The following TWF1 variants were observed in gnomAD, a reference collection of about 807,000 sequenced individuals.
TWF1 encodes the protein twinfilin actin binding protein 1, also known as twinfilin-1.
In TWF1, 14 loss-of-function variants were observed where a neutral mutation model predicts 47.9. The observed-to-expected ratio is 0.29, with a 90% CI of 0.19 to 0.46. The LOEUF (loss-of-function observed/expected upper bound fraction) is 0.46, where lower values mean the gene tolerates loss of function less well. Among genes scored for constraint, TWF1 ranks in the 20% least tolerant of loss-of-function variants. TWF1 has a pLI of 1.00. For synonymous variants in TWF1, 96 were observed against 139.2 expected (o/e 0.69, Z 2.18); for missense variants, 281 against 409.3 (o/e 0.69, Z 2.70).
rs1456104276 is a variant in TWF1 at position 43,797,767 on chromosome 12, G to C, written c.550C>G (p.Arg184Gly). ...TLQGVAFPIS[R>G]EAFQALEKLN... ...TTTTCCAAAGCCTGAAAGGCTTCTC[G>C]AGAAATGGGAAATGCTACTCCTTGT... The change falls in exon 6 of 9, where the codon CGA becomes GGA. Residue 184 changes from arginine to glycine, a missense_variant. By Grantham distance (125) the Arg-to-Gly change is moderately radical. Coordinates refer to ENST00000395510, the MANE Select transcript of TWF1 (RefSeq NM_002822.5). 3.1e-6 allele frequency: 5 copies of C among 1,613,396 alleles called. No individual in the cohort carries two copies. The highest frequency in any genetic ancestry group is 3.4e-6 in the Non-Finnish European group (4 of 1,179,532).
intron 2 of TWF1, among the ~76,000 whole-genome samples, chr12:43,803,290 G>A (rs1240153973): frequency 6.6e-6 from 1 of 152,136 alleles, no homozygotes; most frequent in Admixed American, 6.5e-5. Flanking sequence ...AGGGATACAT[G>A]TAAAAACAGA....
At chr12:43,806,124 C>A in intron 1 of TWF1, 97 bp downstream of exon 1, 1 of 1,526,624 alleles carries the variant, frequency 6.6e-7, no homozygotes, top group South Asian at 1.2e-5. Context: ...TTCCGGAGCT[C>A]CCGGCCCGAC....
In TWF1 at chr12:43,806,059, C is replaced by T. The variant is rs549450813; in HGVS notation, c.25+162G>A. On this transcript the variant is annotated intron_variant, in intron 1 of 8. Coordinates refer to ENST00000395510, the MANE Select transcript of TWF1 (RefSeq NM_002822.5). ...GAGGAGGACGCAGGCCGGCAGCGCC[C>T]GGGAAGCAGGAGCGCGGAGAGGCGC... 17 of 1,518,680 alleles carry T rather than the reference C, an allele frequency of 1.1e-5. No individual in the cohort carries two copies. The East Asian group carries it at 2.0e-4, about 18-fold the overall frequency. The allele number at this position is 1,518,680 out of a possible 1,614,324, so 94.1% of individuals were successfully genotyped here. A position where few individuals can be genotyped will look rare whatever the true frequency, so the allele number is the denominator to read the frequency against.
intron 4 of TWF1, among the ~76,000 whole-genome samples, 195 bp from the exon 5 acceptor site, chr12:43,799,697 G>A (rs1942623573): frequency 6.6e-6 from 1 of 151,876 alleles, no homozygotes; most frequent in Non-Finnish European, 1.5e-5. Flanking sequence ...AGTACCCACT[G>A]TTCATTTTAT....
rs756874040 is a variant in TWF1, at chr12:43,797,048, C to T, written c.810G>A (p.Met270Ile). ...GACGGCTCTTGCAGCTAGAATACAGCATCCGCTCTCTTATACTGCATGTGT... is the reference window on the plus strand; with the variant it reads ...GACGGCTCTTGCAGCTAGAATACAGTATCCGCTCTCTTATACTGCATGTGT... ...PGYTCSIRER[M>I]LYSSCKSRLL... Residue 270 changes from methionine to isoleucine, a missense_variant, in exon 8 of 9, where the codon ATG becomes ATA. By Grantham distance (10) the Met-to-Ile change is conservative (BLOSUM62 1). Transcript: ENST00000395510. 1.9e-6 allele frequency: 3 copies of T among 1,611,108 alleles called. No homozygotes were observed. The highest frequency in any genetic ancestry group is 3.3e-5 in the Admixed American group (2 of 59,936).
intron 1 of TWF1, 74 bp downstream of exon 1, chr12:43,806,147 G>A (rs1180511899): frequency 3.3e-6 from 5 of 1,531,664 alleles, no homozygotes; most frequent in Middle Eastern, 2.1e-4. Flanking sequence ...CAGCCCTGCC[G>A]GTCCTGCAGC....
At chr12:43,801,148 AATGAAGT>A (rs1272778456) in intron 3 of TWF1, among the ~76,000 whole-genome samples, 2 of 152,234 alleles carry the variant, frequency 1.3e-5, no homozygotes, top group Non-Finnish European at 2.9e-5. Context: ...GGAAAACTGA[AATGAAGT>A]AACTTTGATA....
rs548620716 is a variant in TWF1, at chr12:43,805,874, C to G, written c.25+347G>C. ...CTGAAGCCCCAGTCGCCTCCACTGTCCCAGCTCTTCCCTACGTGACCAAAA... is the reference window on the plus strand; with the variant it reads ...CTGAAGCCCCAGTCGCCTCCACTGTGCCAGCTCTTCCCTACGTGACCAAAA... On this transcript the variant is annotated intron_variant, in intron 1 of 8. Coordinates refer to ENST00000395510, the MANE Select transcript of TWF1 (RefSeq NM_002822.5). 6.9e-6 allele frequency: 10 copies of G among 1,440,340 alleles called. No individual in the cohort carries two copies. The South Asian group carries it at 1.1e-4, about 16-fold the overall frequency. The allele number at this position is 1,440,340 out of a possible 1,614,324, so 89.2% of individuals were successfully genotyped here. A position where few individuals can be genotyped will look rare whatever the true frequency, so the allele number is the denominator to read the frequency against.
chr12:43,794,872 A>G lies in TWF1; in HGVS notation c.*713T>C, dbSNP rs1437432474. 1 of 152,138 alleles carries G rather than the reference A, an allele frequency of 6.6e-6. No homozygotes were observed. Among genetic ancestry groups the G allele is most frequent in the Non-Finnish European group, 1.5e-5 (1 of 68,022 alleles). The allele number at this position is 152,138 out of a possible 1,614,324, so 9.4% of individuals were successfully genotyped here. A position where few individuals can be genotyped will look rare whatever the true frequency, so the allele number is the denominator to read the frequency against. On this transcript the variant is annotated 3_prime_UTR_variant, in exon 9 of 9. Transcript: ENST00000395510. The stretch of plus-strand genomic sequence containing the variant: ...TTGAATGATATTAATTTAAATTTCA[A>G]TCTGAACATAAATGTTTGGCCTCAC...
chr12:43,799,531 T>A (rs1942620912), intron 4 of TWF1, 29 bp from the exon 5 acceptor site: 2 of 1,305,270 alleles, frequency 1.5e-6, no homozygotes, highest in Non-Finnish European at 2.1e-6. Context: ...CTATAATCAG[T>A]AATTCTCTAG....
intron 4 of TWF1, 152 bp downstream of exon 4, chr12:43,800,283 A>C (rs1409083599): frequency 1.8e-6 from 1 of 560,408 alleles, no homozygotes; most frequent in Non-Finnish European, 3.1e-6. Context: ...TATTCATTAC[A>C]GCTAACTTTA....
chr12:43,796,839 A>T, intron 8 of TWF1, 137 bp downstream of exon 8: 1 of 892,818 alleles, frequency 1.1e-6, no homozygotes, highest in Non-Finnish European at 1.7e-6. Context: ...CCAGGCACTT[A>T]GAGGAGATCC....
chr12:43,795,617 C>A lies in TWF1; in HGVS notation c.1021G>T (p.Gly341Cys), dbSNP rs759774399. ...GKRGIRRLIR[G>C]PAETEATTD ...GTAGTAGCTTCAGTTTCCGCTGGGC[C>A]CCTAATTAGTCTTCGAATTCCTCTT... The change falls in exon 9 of 9, where the codon GGC becomes TGC. Residue 341 changes from glycine to cysteine, a missense_variant. By Grantham distance (159) the Gly-to-Cys change is radical. Coordinates refer to ENST00000395510, the MANE Select transcript of TWF1 (RefSeq NM_002822.5). The A allele has an allele frequency of 6.2e-7, 1 of 1,612,160 alleles. No individual in the cohort carries two copies. The highest frequency in any genetic ancestry group is 1.7e-5 in the Admixed American group (1 of 60,004).
At position 43,797,293 on chromosome 12, in the gene TWF1, A is replaced by G. The variant is rs1942570484; in HGVS notation, c.760+9T>C. The G allele has an allele frequency of 6.3e-7, 1 of 1,582,286 alleles. No individual in the cohort carries two copies. The highest frequency in any genetic ancestry group is 1.4e-5 in the African/African-American group (1 of 73,382). On this transcript the variant is annotated intron_variant, in intron 7 of 8. Coordinates refer to ENST00000395510, the MANE Select transcript of TWF1 (RefSeq NM_002822.5). ...GAAAGTAATGTGTTAAAAACAATGT[A>G]TCATATACCTATGGACTCTAAATAG...
chr12:43,801,226 C>A (rs1245027574), intron 3 of TWF1, among the ~76,000 whole-genome samples: 2 of 152,058 alleles, frequency 1.3e-5, no homozygotes, highest in African/African-American at 4.8e-5. Flanking sequence ...AATCAAAATT[C>A]ACGGCTTACC....
Position 43,800,359 on chromosome 12 carries a change from C to T in TWF1, c.378+76G>A, listed in dbSNP as rs139607805. On this transcript the variant is annotated intron_variant, in intron 4 of 8. Transcript: ENST00000395510. The stretch of plus-strand genomic sequence containing the variant: ...TCAGATTATCCATCTGAATTCGTAT[C>T]AATTACCCATTACCTAGGAGTTCCT... 3.0e-6 allele frequency: 3 copies of T among 1,000,886 alleles called. No homozygotes were observed. The African/African-American group carries it at 4.9e-5, about 16-fold the overall frequency. 62.0% of individuals were successfully genotyped at this position (1,000,886 alleles called of 1,614,324 possible). A position where few individuals can be genotyped will look rare whatever the true frequency, so the allele number is the denominator to read the frequency against.
intron 1 of TWF1, 57 bp downstream of exon 1, chr12:43,806,164 G>A (rs956952740): frequency 6.5e-7 from 1 of 1,535,234 alleles, no homozygotes; most frequent in Admixed American, 2.0e-5. Flanking sequence ...CAGCCCTCCC[G>A]GCTCTCCCGG....
intron 3 of TWF1, among the ~76,000 whole-genome samples, chr12:43,801,173 T>C (rs1942654457): frequency 6.6e-6 from 1 of 152,186 alleles, no homozygotes; most frequent in Non-Finnish European, 1.5e-5. Flanking sequence ...ATAGTGACAT[T>C]CTTCTCAAAG....
At chr12:43,797,275 ATG>A (rs776032461) in intron 7 of TWF1, 25 bp downstream of exon 7, 2 of 1,553,338 alleles carry the variant, frequency 1.3e-6, no homozygotes, top group Non-Finnish European at 1.7e-6. Context: ...ACTGAAAGTA[ATG>A]TGTTAAAAAC....
Sources: gnomAD v4.1 joint callset for allele counts (sites outside exome capture counted in the v4.1 genomes callset) on GRCh38, gnomAD v4.1.1 for gene constraint, MANE v1.5 for transcripts, NCBI Gene and HGNC (gene_info 2026-07-23, HGNC 2026-07-21) for gene names.